Variants in CNTNAP2 observed in about 807,000 individuals in gnomAD.
CNTNAP2 encodes the protein contactin associated protein 2.
A neutral mutation model predicts 155.2 loss-of-function variants in CNTNAP2; 98 were observed. The ratio of observed to expected loss-of-function variants is 0.63; its 90% CI spans 0.54 to 0.75. The LOEUF (loss-of-function observed/expected upper bound fraction) is 0.75. Ranked by LOEUF, CNTNAP2 falls within the 30% of genes least tolerant of loss-of-function variation. CNTNAP2 has a pLI of 0.00. For synonymous variants in CNTNAP2, 651 were observed against 631.2 expected, an observed-to-expected ratio of 1.03 and a Z score of -0.47; for missense variants, 1,727 against 1,688.1, an observed-to-expected ratio of 1.02 and a Z score of -0.40.
At chr7:147,584,584 T>C (rs2107860) in intron 12 of CNTNAP2, among the ~76,000 whole-genome samples, 105,066 of 152,138 alleles carry the variant, frequency 0.69, 36,852 homozygotes, top group African/African-American at 0.81. Flanking sequence ...CATTACATGG[T>C]TTGCCTGTGA....
chr7:148,084,989 G>A (rs1027552092), intron 15 of CNTNAP2, among the ~76,000 whole-genome samples: 9 of 152,116 alleles, frequency 5.9e-5, no homozygotes, highest in South Asian at 2.1e-4. Context: ...TCATTTAGTC[G>A]GTCAATTTCA....
At chr7:146,590,672 C>T (rs1798767895) in intron 1 of CNTNAP2, among the ~76,000 whole-genome samples, 2 of 152,144 alleles carry the variant, frequency 1.3e-5, no homozygotes, top group East Asian at 3.9e-4. Context: ...ATGCACAACA[C>T]ACCATTTATT....
intron 1 of CNTNAP2, among the ~76,000 whole-genome samples, chr7:146,753,481 G>T (rs1801940957): frequency 6.6e-6 from 1 of 151,910 alleles, no homozygotes; most frequent in African/African-American, 2.4e-5. Flanking sequence ...AAGTTTAGAT[G>T]ATATTAACAT....
At chr7:146,842,226 CG>C (rs1192590592) in intron 3 of CNTNAP2, among the ~76,000 whole-genome samples, 7 of 151,868 alleles carry the variant, frequency 4.6e-5, no homozygotes, top group African/African-American at 1.7e-4. Flanking sequence ...ATGGTTGAGT[CG>C]GGGAGACAAG....
intron 1 of CNTNAP2, among the ~76,000 whole-genome samples, chr7:146,727,586 G>A (rs951808028): frequency 1.2e-4 from 18 of 152,072 alleles, no homozygotes; most frequent in Non-Finnish European, 2.4e-4. Flanking sequence ...TGTGATTCAC[G>A]TACATGTTTC....
intron 8 of CNTNAP2, among the ~76,000 whole-genome samples, chr7:147,276,968 T>A (rs1465309946): frequency 6.6e-6 from 1 of 151,976 alleles, no homozygotes; most frequent in East Asian, 1.9e-4. Context: ...AATAATGCTG[T>A]TAGACGTGAA....
chr7:146,660,267 C>A (rs1800064447), intron 1 of CNTNAP2, among the ~76,000 whole-genome samples: 1 of 152,036 alleles, frequency 6.6e-6, no homozygotes, highest in South Asian at 2.1e-4. Context: ...ACCATTGAAT[C>A]CCTTATAAAA....
At chr7:147,499,574 G>T (rs766507975) in intron 11 of CNTNAP2, among the ~76,000 whole-genome samples, 3 of 152,054 alleles carry the variant, frequency 2.0e-5, no homozygotes, top group Non-Finnish European at 4.4e-5. Context: ...TAGCAACTAT[G>T]CCTAAAAAAT....
chr7:147,606,278 C>T (rs1317540323), intron 12 of CNTNAP2, among the ~76,000 whole-genome samples: 7 of 152,184 alleles, frequency 4.6e-5, no homozygotes, highest in Admixed American at 4.6e-4. Context: ...GTGTTGCCAG[C>T]ATACTGAAAA....
chr7:147,366,941 A>T (rs1041163373), intron 9 of CNTNAP2, among the ~76,000 whole-genome samples: 1 of 152,126 alleles, frequency 6.6e-6, no homozygotes, highest in Non-Finnish European at 1.5e-5. Context: ...TCTGGAGCGG[A>T]CTGTATATTT....
At chr7:146,255,381 G>A (rs767573066) in intron 1 of CNTNAP2, among the ~76,000 whole-genome samples, 17 of 152,108 alleles carry the variant, frequency 1.1e-4, no homozygotes, top group Non-Finnish European at 1.5e-4. Context: ...TTTTCATACC[G>A]AAGAGTAGAA....
intron 3 of CNTNAP2, among the ~76,000 whole-genome samples, chr7:146,854,357 T>C (rs552171471): frequency 1.3e-5 from 2 of 152,356 alleles, no homozygotes; most frequent in African/African-American, 2.4e-5. Context: ...TCAAGCTGTA[T>C]GTTTATGTGT....
At chr7:147,272,664 ATTT>A (rs71182188) in intron 8 of CNTNAP2, among the ~76,000 whole-genome samples, 4 of 138,920 alleles carry the variant, frequency 2.9e-5, no homozygotes, top group African/African-American at 1.0e-4. Flanking sequence ...CGCCCGGCTA[ATTT>A]TTTTTTTTTT....
At chr7:146,869,670 A>G (rs1469384600) in intron 3 of CNTNAP2, among the ~76,000 whole-genome samples, 1 of 152,130 alleles carries the variant, frequency 6.6e-6, no homozygotes, top group Non-Finnish European at 1.5e-5. Flanking sequence ...AACCACTGGT[A>G]TAAGTCCAAG....
At chr7:147,525,304 A>G (rs1799299022) in intron 11 of CNTNAP2, among the ~76,000 whole-genome samples, 1 of 152,240 alleles carries the variant, frequency 6.6e-6, no homozygotes, top group South Asian at 2.1e-4. Flanking sequence ...TAACAAAGAC[A>G]AGGAGAGATA....
At chr7:146,931,695 C>A (rs1420640470) in intron 3 of CNTNAP2, among the ~76,000 whole-genome samples, 2 of 148,028 alleles carry the variant, frequency 1.4e-5, no homozygotes. Context: ...GCTAGCAAGA[C>A]TAATAAAGAA....
At chr7:147,631,462 C>A (rs1795083750) in intron 12 of CNTNAP2, among the ~76,000 whole-genome samples, 3 of 152,052 alleles carry the variant, frequency 2.0e-5, no homozygotes, top group Admixed American at 2.0e-4. Flanking sequence ...ATATTCTTCA[C>A]AGAACTATAA....
chr7:147,887,058 G>A (rs1799613836), intron 13 of CNTNAP2, among the ~76,000 whole-genome samples: 1 of 152,082 alleles, frequency 6.6e-6, no homozygotes, highest in South Asian at 2.1e-4. Context: ...ATGTCACATT[G>A]TATAATAAAA....
intron 3 of CNTNAP2, among the ~76,000 whole-genome samples, chr7:146,962,196 T>C (rs1184051462): frequency 6.6e-6 from 1 of 152,180 alleles, no homozygotes; most frequent in Non-Finnish European, 1.5e-5. Context: ...ATATTCCCAG[T>C]GCATTAAGAG....
Sources: gnomAD v4.1 joint callset for allele counts (sites outside exome capture counted in the v4.1 genomes callset) on GRCh38, gnomAD v4.1.1 for gene constraint, MANE v1.5 for transcripts, NCBI Gene and HGNC (gene_info 2026-07-23, HGNC 2026-07-21) for gene names.